The following CAMKK2 variants were observed in gnomAD, a reference collection of about 807,000 sequenced individuals.
CAMKK2 encodes calcium/calmodulin dependent protein kinase kinase 2, also known as calcium/calmodulin-dependent protein kinase kinase 2.
A neutral mutation model predicts 67.2 loss-of-function variants in CAMKK2; 30 were observed. The observed-to-expected ratio is 0.45, with a 90% CI of 0.33 to 0.61. The LOEUF is 0.61. Among genes scored for constraint, CAMKK2 ranks in the 20% least tolerant of loss-of-function variants. The pLI, the probability that CAMKK2 is intolerant of heterozygous loss-of-function variation, is 0.02. For missense variants in CAMKK2, 643 were observed against 802.0 expected (o/e 0.80, Z 2.39); for synonymous variants, 322 against 326.2 (o/e 0.99, Z 0.14).
At chr12:121,255,249 ATTATATATATAATT>A in intron 9 of CAMKK2, among the ~76,000 whole-genome samples, 10 of 52,664 alleles carry the variant, frequency 1.9e-4, no homozygotes, top group African/African-American at 6.6e-4. Context: ...TATATATATA[ATTATATATATAATT>A]TTATATATAT....
chr12:121,255,431 C>A, intron 9 of CAMKK2, 119 bp downstream of exon 9: 1 of 597,298 alleles, frequency 1.7e-6, no homozygotes, highest in Non-Finnish European at 2.9e-6. Context: ...TAGAGGACCC[C>A]AATCCACCCG....
At chr12:121,242,156 A>T (rs1197558192) in intron 16 of CAMKK2, among the ~76,000 whole-genome samples, 1 of 151,520 alleles carries the variant, frequency 6.6e-6, no homozygotes, top group Non-Finnish European at 1.5e-5. Flanking sequence ...ACATGGTGAA[A>T]CCCCCATCTC....
At chr12:121,258,978 G>T (rs186566114) in intron 7 of CAMKK2, among the ~76,000 whole-genome samples, 1 of 151,688 alleles carries the variant, frequency 6.6e-6, no homozygotes, top group African/African-American at 2.4e-5. Flanking sequence ...GAGTAGCCAA[G>T]ATTATAGGTG....
At chr12:121,244,966 G>T (rs1228850029) in intron 15 of CAMKK2, among the ~76,000 whole-genome samples, 174 bp downstream of exon 15, 2 of 152,208 alleles carry the variant, frequency 1.3e-5, no homozygotes, top group African/African-American at 4.8e-5. Flanking sequence ...AAAGGAGGTG[G>T]GCTGAGCCCA....
chr12:121,276,217 C>T (rs1212541548), intron 1 of CAMKK2, among the ~76,000 whole-genome samples: 1 of 151,494 alleles, frequency 6.6e-6, no homozygotes, highest in Non-Finnish European at 1.5e-5. Flanking sequence ...GTAATCCTCC[C>T]AGCACTTTGG....
chr12:121,241,640 TA>T (rs1384584867), intron 16 of CAMKK2, among the ~76,000 whole-genome samples: 2 of 152,256 alleles, frequency 1.3e-5, no homozygotes, highest in Non-Finnish European at 2.9e-5. Context: ...CCACATGGGT[TA>T]CTGTCTGTCC....
intron 11 of CAMKK2, 87 bp downstream of exon 11, chr12:121,252,574 T>C (rs560196377): frequency 2.3e-6 from 3 of 1,289,302 alleles, no homozygotes; most frequent in Non-Finnish European, 3.4e-6. Context: ...AACTCTTAAA[T>C]AAGTAAGTAC....
At chr12:121,286,816 C>G (rs1898839024) in intron 1 of CAMKK2, among the ~76,000 whole-genome samples, 1 of 152,184 alleles carries the variant, frequency 6.6e-6, no homozygotes, top group Non-Finnish European at 1.5e-5. Context: ...CAGGAGGGCA[C>G]AAGTGTGAAT....
At chr12:121,249,641 C>T in intron 13 of CAMKK2, 146 bp downstream of exon 13, 1 of 742,754 alleles carries the variant, frequency 1.3e-6, no homozygotes, top group Admixed American at 1.9e-5. Flanking sequence ...CCTCAACAGC[C>T]CCCAGCAGCT....
chr12:121,292,418 C>T (rs1170864694), intron 1 of CAMKK2, among the ~76,000 whole-genome samples: 1 of 152,168 alleles, frequency 6.6e-6, no homozygotes, highest in African/African-American at 2.4e-5. Flanking sequence ...CGTGAGCCAC[C>T]GTGCCCAGCC....
At chr12:121,281,448 A>C (rs1452124391) in intron 1 of CAMKK2, among the ~76,000 whole-genome samples, 1 of 152,242 alleles carries the variant, frequency 6.6e-6, no homozygotes, top group Non-Finnish European at 1.5e-5. Context: ...CCTCCTTGGG[A>C]AAATGGGCTC....
At chr12:121,269,416 C>T (rs1188404685) in intron 4 of CAMKK2, 112 bp downstream of exon 4, 6 of 827,914 alleles carry the variant, frequency 7.2e-6, no homozygotes, top group Non-Finnish European at 1.2e-5. Context: ...TAAACATGAC[C>T]TAAGAATAAA....
intron 6 of CAMKK2, among the ~76,000 whole-genome samples, chr12:121,261,840 C>A (rs1189393989): frequency 6.6e-6 from 1 of 152,260 alleles, no homozygotes; most frequent in African/African-American, 2.4e-5. Context: ...CCTCTCCCAG[C>A]TTCTCCCAGT....
At chr12:121,281,714 G>C (rs1409108734) in intron 1 of CAMKK2, among the ~76,000 whole-genome samples, 5 of 152,194 alleles carry the variant, frequency 3.3e-5, no homozygotes, top group African/African-American at 4.8e-5. Context: ...TTGGGAGGCC[G>C]AGACGGGTGG....
intron 3 of CAMKK2, 194 bp from the exon 4 acceptor site, chr12:121,269,775 G>A (rs751544410): frequency 4.2e-5 from 24 of 568,970 alleles, no homozygotes; most frequent in Middle Eastern, 5.4e-4. Flanking sequence ...TGGGCGGAGC[G>A]CAGTGGCTCA....
At chr12:121,254,956 C>A (rs997382335) in intron 9 of CAMKK2, among the ~76,000 whole-genome samples, 1 of 151,506 alleles carries the variant, frequency 6.6e-6, no homozygotes, top group Non-Finnish European at 1.5e-5. Context: ...GAAGGCAGAC[C>A]CACAATCTAA....
rs1407871256 is a variant in CAMKK2, at chr12:121,270,942, A to C, written c.475T>G (p.Cys159Gly). 10 of 1,613,046 alleles carry C rather than the reference A, an allele frequency of 6.2e-6. No homozygotes were observed. Among genetic ancestry groups the C allele is most frequent in the African/African-American group, 1.3e-5 (1 of 74,844 alleles). ...HHVSITGMQD[C>G]VQLNQYTLKD... Reference sequence around the variant, plus strand: ...AGGGTATACTGATTCAGCTGCACACAGTCCTAGAGAGTAAGGAGAGACACG... The same window carrying C: ...AGGGTATACTGATTCAGCTGCACACCGTCCTAGAGAGTAAGGAGAGACACG... The change falls in exon 3 of 17, where the codon TGT becomes GGT. Residue 159 changes from cysteine to glycine, a missense_variant. Transcript: ENST00000404169.
At chr12:121,266,706 C>T (rs939341714) in intron 5 of CAMKK2, among the ~76,000 whole-genome samples, 13 of 151,972 alleles carry the variant, frequency 8.6e-5, no homozygotes. Context: ...CTTGACCAGG[C>T]TGATCTTGAA....
intron 16 of CAMKK2, among the ~76,000 whole-genome samples, chr12:121,242,012 C>T (rs929692551): frequency 1.6e-4 from 24 of 152,328 alleles, no homozygotes; most frequent in African/African-American, 5.8e-4. Context: ...CAGTCTCCAT[C>T]TGCTGGTGTC....
Sources: gnomAD v4.1 joint callset for allele counts (sites outside exome capture counted in the v4.1 genomes callset) on GRCh38, gnomAD v4.1.1 for gene constraint, MANE v1.5 for transcripts, NCBI Gene and HGNC (gene_info 2026-07-23, HGNC 2026-07-21) for gene names.